Variants in ADGRG4 observed in about 807,000 individuals in gnomAD.
ADGRG4 encodes G protein-coupled receptor 112.
ADGRG4 carries 122 observed loss-of-function variants against 126.2 expected under a neutral mutation model. That is an observed-to-expected ratio of 0.97 (90% CI 0.83 to 1.12). The LOEUF (loss-of-function observed/expected upper bound fraction) is 1.12. Ranked by LOEUF, ADGRG4 falls within the 50% of genes most tolerant of loss-of-function variation. ADGRG4 has a pLI of 0.00. For synonymous variants in ADGRG4, 943 were observed against 838.7 expected, an observed-to-expected ratio of 1.12 and a Z score of -2.15; for missense variants, 2,481 against 2,251.8, an observed-to-expected ratio of 1.10 and a Z score of -2.06.
At chrX:136,379,669 A>G (rs1241498862) in intron 15 of ADGRG4, among the ~76,000 whole-genome samples, 1 of 109,592 alleles carries the variant, frequency 9.1e-6, no homozygotes, top group Non-Finnish European at 1.9e-5. Context: ...AATGAAATGT[A>G]TGTTGTGCAA....
chrX:136,347,801 C>T lies in ADGRG4; in HGVS notation c.4095C>T (p.Leu1365=). 6.6e-6 allele frequency: 8 copies of T among 1,209,940 alleles called. No homozygotes were observed. Among genetic ancestry groups the T allele is most frequent in the Non-Finnish European group, 8.9e-6 (8 of 894,013 alleles). The part of the protein sequence containing the change: ...EMSTSLGKTA[L]PSQALTITTF... Reference sequence around the variant, plus strand: ...CTACCAGTCTTGGGAAAACAGCTCTCCCCTCACAAGCTCTGACAATCACCA... The same window carrying T: ...CTACCAGTCTTGGGAAAACAGCTCTTCCCTCACAAGCTCTGACAATCACCA... Residue 1365 remains leucine, a synonymous_variant, in exon 6 of 26, where the codon CTC becomes CTT. Coordinates refer to ENST00000394143, the MANE Select transcript of ADGRG4 (RefSeq NM_153834.4).
At chrX:136,333,033 T>G (rs1243049323) in intron 5 of ADGRG4, among the ~76,000 whole-genome samples, 8 of 111,466 alleles carry the variant, frequency 7.2e-5, no homozygotes, top group Admixed American at 1.9e-4. Context: ...GTCAATTTTG[T>G]CTTTTGTTGC....
chrX:136,359,196 C>T lies in ADGRG4; in HGVS notation c.6981-96C>T. ...AAAATGTTTGACATTTATGAACTACCAATTAAATCAGCTGTACAGAATTTC... is the reference window on the plus strand; with the variant it reads ...AAAATGTTTGACATTTATGAACTACTAATTAAATCAGCTGTACAGAATTTC... On this transcript the variant is annotated intron_variant, in intron 10 of 25. Transcript: ENST00000394143. The T allele has an allele frequency of 4.6e-6, 3 of 657,584 alleles. No individual in the cohort carries two copies. The South Asian group carries it at 1.1e-4, about 23-fold the overall frequency. The allele number at this position is 657,584 out of a possible 1,213,427, so 54.2% of individuals were successfully genotyped here. A position where few individuals can be genotyped will look rare whatever the true frequency, so the allele number is the denominator to read the frequency against.
intron 5 of ADGRG4, among the ~76,000 whole-genome samples, chrX:136,342,879 A>AGT (rs58303622): frequency 0.015 from 1,342 of 87,329 alleles, 11 homozygotes; most frequent in East Asian, 0.018. Flanking sequence ...AAGAGAGCTC[A>AGT]GTGTGTGTGT....
At chrX:136,372,117 A>C (rs367736439) in intron 14 of ADGRG4, among the ~76,000 whole-genome samples, 2 of 110,339 alleles carry the variant, frequency 1.8e-5, no homozygotes, top group East Asian at 5.7e-4. Flanking sequence ...CCCAAACCAA[A>C]CCCCCAGTCT....
Position 136,346,535 on chromosome X carries a change from A to G in ADGRG4, c.2829A>G (p.Ser943=). The part of the protein sequence containing the change: ...FNHTYVAHWT[S]ETSEGISAGS... ...ACACCTATGTAGCACATTGGACTTC[A>G]GAGACATCTGAGGGAATTTCAGCTG... Residue 943 remains serine (S), a synonymous_variant, in exon 6 of 26, where the codon TCA becomes TCG. Coordinates refer to ENST00000394143, the MANE Select transcript of ADGRG4 (RefSeq NM_153834.4). 1 of 1,210,160 alleles carries G rather than the reference A, an allele frequency of 8.3e-7. No individual in the cohort carries two copies. Among genetic ancestry groups the G allele is most frequent in the South Asian group, 1.8e-5 (1 of 56,668 alleles).
chrX:136,328,995 C>A (rs2074891965), intron 5 of ADGRG4, among the ~76,000 whole-genome samples: 1 of 111,320 alleles, frequency 9.0e-6, no homozygotes, highest in African/African-American at 3.3e-5. Flanking sequence ...TCTATTGCAG[C>A]ATTCGTTTTT....
Position 136,359,369 on chromosome X carries a change from T to C in ADGRG4, c.7058T>C (p.Ile2353Thr). The change falls in exon 11 of 26, where the codon ATA becomes ACA. Residue 2353 changes from isoleucine (I) to threonine (T), a missense_variant. Physicochemically the swap from Ile to Thr is moderately conservative, Grantham distance 89. Coordinates refer to ENST00000394143, the MANE Select transcript of ADGRG4 (RefSeq NM_153834.4). ...SELMRKIKSK[I>T]HGNFTHGNFT... ...TTGATGAGAAAAATCAAAAGTAAAA[T>C]ACATGGCAACTTCACACATGGAAAC... 3.3e-6 allele frequency: 4 copies of C among 1,206,312 alleles called. No individual in the cohort carries two copies. The highest frequency in any genetic ancestry group is 4.5e-6 in the Non-Finnish European group (4 of 890,977).
At chrX:136,321,362 T>G (rs758152715) in intron 4 of ADGRG4, among the ~76,000 whole-genome samples, 1 of 111,530 alleles carries the variant, frequency 9.0e-6, no homozygotes, top group South Asian at 3.8e-4. Flanking sequence ...TACATGTTAT[T>G]GTTTGCTTTT....
intron 8 of ADGRG4, among the ~76,000 whole-genome samples, 177 bp from the exon 9 acceptor site, chrX:136,355,949 A>G (rs2075091125): frequency 8.9e-6 from 1 of 111,948 alleles, no homozygotes; most frequent in Non-Finnish European, 1.9e-5. Flanking sequence ...CCATTTTGGT[A>G]TGCATATAAT....
intron 15 of ADGRG4, among the ~76,000 whole-genome samples, chrX:136,383,430 T>C (rs1490688655): frequency 3.6e-5 from 4 of 112,031 alleles, no homozygotes; most frequent in Non-Finnish European, 7.5e-5. Context: ...CTTGAAGTTA[T>C]TTTATCTGGT....
chrX:136,347,778 A>G lies in ADGRG4; in HGVS notation c.4072A>G (p.Thr1358Ala). The G allele has an allele frequency of 2.5e-6, 3 of 1,210,817 alleles. No individual in the cohort carries two copies. Among genetic ancestry groups the G allele is most frequent in the Non-Finnish European group, 3.4e-6 (3 of 894,789 alleles). The change falls in exon 6 of 26, where the codon ACC (threonine) becomes GCC (alanine). Residue 1358 changes from threonine to alanine, a missense_variant. Coordinates refer to ENST00000394143, the MANE Select transcript of ADGRG4 (RefSeq NM_153834.4). ...TVGVHIPEMSTSLGKTALPSQ... is the reference protein window; with the variant it reads ...TVGVHIPEMSASLGKTALPSQ... The stretch of plus-strand genomic sequence containing the variant: ...AGGTGTTCACATTCCAGAAATGTCT[A>G]CCAGTCTTGGGAAAACAGCTCTCCC...
At chrX:136,410,782 T>C (rs1361100644) in intron 23 of ADGRG4, among the ~76,000 whole-genome samples, 2 of 111,220 alleles carry the variant, frequency 1.8e-5, no homozygotes, top group Non-Finnish European at 3.8e-5. Flanking sequence ...AGGAAACATA[T>C]CTCGGCCCTC....
chrX:136,392,857 C>T (rs1023229929), intron 17 of ADGRG4, among the ~76,000 whole-genome samples: 2 of 111,752 alleles, frequency 1.8e-5, no homozygotes, highest in African/African-American at 3.2e-5. Flanking sequence ...GCCAGTGTGA[C>T]GTCTCAATAG....
At chrX:136,334,132 C>CTT (rs1301668061) in intron 5 of ADGRG4, among the ~76,000 whole-genome samples, 12 of 72,121 alleles carry the variant, frequency 1.7e-4, no homozygotes, top group African/African-American at 6.4e-4. Flanking sequence ...TTCTTTCTTT[C>CTT]TTTCTTTTTC....
At chrX:136,358,471 C>A (rs1407971198) in intron 10 of ADGRG4, among the ~76,000 whole-genome samples, 1 of 112,092 alleles carries the variant, frequency 8.9e-6, no homozygotes, top group Non-Finnish European at 1.9e-5. Flanking sequence ...CTTCAAAAAG[C>A]CGTGTCTACA....
chrX:136,317,516 A>G (rs758877559), intron 4 of ADGRG4, among the ~76,000 whole-genome samples: 16 of 107,892 alleles, frequency 1.5e-4, no homozygotes, highest in East Asian at 1.1e-3. Flanking sequence ...AAAAAAAAAA[A>G]AAAGAAAGAA....
rs774310218 is a variant in ADGRG4, at chrX:136,399,917, G to C, written c.8376G>C (p.Leu2792=). The part of the protein sequence containing the change: ...NLCTALLMLN[L]VFLINSWLSS... ...GCACAGCACTACTGATGCTAAACCT[G>C]GTATTTTTGATCAATTCTTGGTTGT... Residue 2792 remains leucine, a synonymous_variant, in exon 21 of 26, where the codon CTG becomes CTC. Transcript: ENST00000394143. 2 of 1,209,186 alleles carry C rather than the reference G, an allele frequency of 1.7e-6. No individual in the cohort carries two copies. Among genetic ancestry groups the C allele is most frequent in the Admixed American group, 4.3e-5 (2 of 45,989 alleles).
At chrX:136,399,104 G>A (rs2075366005) in intron 20 of ADGRG4, among the ~76,000 whole-genome samples, 1 of 111,865 alleles carries the variant, frequency 8.9e-6, no homozygotes. Context: ...AGAAGTGAGA[G>A]TATTGGTTAC....
Sources: gnomAD v4.1 joint callset for allele counts (sites outside exome capture counted in the v4.1 genomes callset) on GRCh38, gnomAD v4.1.1 for gene constraint, MANE v1.5 for transcripts, NCBI Gene and HGNC (gene_info 2026-07-23, HGNC 2026-07-21) for gene names.